The following PDE1C variants were observed in gnomAD, a reference collection of about 807,000 sequenced individuals.
PDE1C encodes phosphodiesterase 1C, also known as dual specificity calcium/calmodulin-dependent 3',5'-cyclic nucleotide phosphodiesterase 1C.
Under a neutral mutation model 93.1 loss-of-function variants are expected in PDE1C, and 62 were observed. The observed-to-expected ratio is 0.67, with a 90% CI of 0.54 to 0.82. The LOEUF (loss-of-function observed/expected upper bound fraction) is 0.82, where lower values mean the gene tolerates loss of function less well. Among genes scored for constraint, PDE1C ranks in the 40% least tolerant of loss-of-function variants. The probability of loss-of-function intolerance (pLI) is 0.00; values close to 1 mark genes in which losing one functional copy is unlikely to be tolerated. For synonymous variants in PDE1C, 325 were observed against 310.1 expected, an observed-to-expected ratio of 1.05 and a Z score of -0.50; for missense variants, 742 against 884.6, an observed-to-expected ratio of 0.84 and a Z score of 2.04.
At chr7:31,790,919 AAAC>A (rs907223402) in intron 16 of PDE1C, among the ~76,000 whole-genome samples, 1 of 152,186 alleles carries the variant, frequency 6.6e-6, no homozygotes, top group Non-Finnish European at 1.5e-5. Flanking sequence ...GCAGAATTTA[AAAC>A]AACAACCACA....
chr7:32,166,463 C>T (rs1256472564), intron 3 of PDE1C, among the ~76,000 whole-genome samples: 1 of 152,088 alleles, frequency 6.6e-6, no homozygotes, highest in African/African-American at 2.4e-5. Context: ...AAGCATGCTC[C>T]CAAGACTCTG....
intron 2 of PDE1C, among the ~76,000 whole-genome samples, chr7:32,178,793 A>T (rs1473229508): frequency 1.3e-5 from 2 of 152,118 alleles, no homozygotes; most frequent in Non-Finnish European, 2.9e-5. Flanking sequence ...CTTCACAAAG[A>T]CAACTTTTCA....
At chr7:32,387,322 C>T (rs968142103) in intron 1 of PDE1C, among the ~76,000 whole-genome samples, 1 of 151,922 alleles carries the variant, frequency 6.6e-6, no homozygotes, top group African/African-American at 2.4e-5. Context: ...TTTTTCCCCA[C>T]CCTTCCCGCC....
intron 3 of PDE1C, among the ~76,000 whole-genome samples, chr7:32,095,778 T>TA (rs773561727): frequency 3.3e-5 from 5 of 152,146 alleles, no homozygotes; most frequent in Non-Finnish European, 7.3e-5. Flanking sequence ...TGACTATCCT[T>TA]ACGCGATGTG....
chr7:32,094,494 T>C (rs145293166), intron 3 of PDE1C, among the ~76,000 whole-genome samples: 67 of 152,326 alleles, frequency 4.4e-4, no homozygotes, highest in African/African-American at 1.6e-3. Flanking sequence ...AGTTCACATA[T>C]ATGATTTCAG....
intron 1 of PDE1C, among the ~76,000 whole-genome samples, chr7:32,288,857 T>C (rs1353059924): frequency 6.6e-6 from 1 of 152,170 alleles, no homozygotes; most frequent in African/African-American, 2.4e-5. Flanking sequence ...CTCAGAGAGA[T>C]GAAACTTCCA....
At chr7:32,313,113 C>G (rs1223348468) in intron 1 of PDE1C, among the ~76,000 whole-genome samples, 3 of 151,936 alleles carry the variant, frequency 2.0e-5, no homozygotes, top group Non-Finnish European at 4.4e-5. Flanking sequence ...AGACACTCCT[C>G]AAAAGAAGAC....
chr7:31,820,305 T>C (rs549387315), intron 14 of PDE1C, among the ~76,000 whole-genome samples: 13 of 152,186 alleles, frequency 8.5e-5, no homozygotes, highest in Admixed American at 5.2e-4. Context: ...TTTTCTTTTA[T>C]ATATATTTTT....
intron 3 of PDE1C, among the ~76,000 whole-genome samples, chr7:32,102,459 T>C (rs1012636590): frequency 1.3e-5 from 2 of 152,206 alleles, no homozygotes; most frequent in South Asian, 2.1e-4. Context: ...AGCTTCCTTA[T>C]CTGTGAAGTG....
upstream of PDE1C, among the ~76,000 whole-genome samples, chr7:32,071,875 G>T (rs890596286): frequency 2.6e-5 from 4 of 152,110 alleles, no homozygotes; most frequent in Non-Finnish European, 5.9e-5. Context: ...CCACCACCAG[G>T]GGCTATTTCA....
the PDE1C span, among the ~76,000 whole-genome samples, chr7:31,726,452 T>C: frequency 6.6e-6 from 1 of 152,146 alleles, no homozygotes; most frequent in Non-Finnish European, 1.5e-5. Flanking sequence ...GCCTCTTATA[T>C]TGGGGGCTGG....
At chr7:32,207,422 A>T (rs1805665399) in intron 2 of PDE1C, among the ~76,000 whole-genome samples, 3 of 152,078 alleles carry the variant, frequency 2.0e-5, no homozygotes, top group Admixed American at 2.0e-4. Flanking sequence ...CTTCATTCAC[A>T]CCACACAATG....
At chr7:32,127,903 T>A (rs1799676342) in intron 3 of PDE1C, among the ~76,000 whole-genome samples, 1 of 151,948 alleles carries the variant, frequency 6.6e-6, no homozygotes, top group Non-Finnish European at 1.5e-5. Context: ...ATACATTCAT[T>A]ATGTTGTTTC....
chr7:31,870,912 T>C (rs1276901018), intron 6 of PDE1C, among the ~76,000 whole-genome samples: 1 of 151,722 alleles, frequency 6.6e-6, no homozygotes, highest in Non-Finnish European at 1.5e-5. Flanking sequence ...GGTATTAGTA[T>C]AAAATAGTAT....
chr7:31,773,703 G>A (rs770885927), intron 17 of PDE1C, among the ~76,000 whole-genome samples: 5 of 151,998 alleles, frequency 3.3e-5, no homozygotes, highest in East Asian at 1.9e-4. Context: ...CTGTGTAGTC[G>A]TAAACTAAAT....
chr7:31,627,520 G>A, the PDE1C span, among the ~76,000 whole-genome samples: 1 of 151,822 alleles, frequency 6.6e-6, no homozygotes, highest in African/African-American at 2.4e-5. Context: ...TAGTCCAATG[G>A]GATGGTGCAC....
At chr7:31,667,794 C>G in the PDE1C span, among the ~76,000 whole-genome samples, 1 of 151,590 alleles carries the variant, frequency 6.6e-6, no homozygotes. Context: ...AGGCAGGTCT[C>G]AATCAATAGA....
In PDE1C at chr7:31,959,213, T is replaced by A. The variant is rs541536922; in HGVS notation, c.129-78353A>T. On this transcript the variant is annotated intron_variant, in intron 2 of 17. Coordinates refer to ENST00000396191, the MANE Select transcript of PDE1C (RefSeq NM_001191057.4). ...TTTTTTGTTTTGTTGTTTGTTTGTT[T>A]GTTTGTTTGTTTTTTGAGACACAGT... is the stretch of plus-strand genomic sequence containing the variant. Among the ~76,000 whole-genome samples, 11 of 152,280 alleles carry A rather than the reference T, an allele frequency of 7.2e-5. No homozygotes were observed. The South Asian group carries it at 2.3e-3, about 32-fold the overall frequency.
chr7:32,325,238 T>A (rs1783383423), intron 1 of PDE1C, among the ~76,000 whole-genome samples: 1 of 152,216 alleles, frequency 6.6e-6, no homozygotes, highest in Admixed American at 6.5e-5. Flanking sequence ...GAAGAGAGCA[T>A]CCATTGCTCA....
Sources: allele counts gnomAD v4.1 joint callset (sites outside exome capture counted in the v4.1 genomes callset), GRCh38; gene constraint gnomAD v4.1.1; transcripts MANE v1.5; gene names NCBI Gene and HGNC (gene_info 2026-07-23, HGNC 2026-07-21).